Variants in TLK1 observed in about 807,000 individuals in gnomAD.
The protein encoded by TLK1 is serine/threonine-protein kinase tousled-like 1.
Under a neutral mutation model 105.3 loss-of-function variants are expected in TLK1, and 24 were observed. That is an observed-to-expected ratio of 0.23 (90% CI 0.17 to 0.32). TLK1 has a LOEUF of 0.32. Among genes scored for constraint, TLK1 ranks in the 10% least tolerant of loss-of-function variants. The pLI is 1.00. For synonymous variants in TLK1, 321 were observed against 310.4 expected (o/e 1.03, Z -0.36); for missense variants, 558 against 910.5 (o/e 0.61, Z 4.98).
At chr2:171,081,677 GCA>G in intron 3 of TLK1, 1 of 1,304,248 alleles carries the variant, frequency 7.7e-7, no homozygotes, top group South Asian at 1.2e-5. Context: ...CCCGTCACTT[GCA>G]CAGTCCTTTC....
intron 1 of TLK1, among the ~76,000 whole-genome samples, chr2:171,124,904 T>A (rs1362173337): frequency 1.3e-5 from 2 of 152,210 alleles, no homozygotes; most frequent in Admixed American, 6.5e-5. Context: ...CTGAATTGTA[T>A]CAATAACATC....
At chr2:171,166,148 C>G (rs1692605360) in intron 1 of TLK1, among the ~76,000 whole-genome samples, 1 of 152,226 alleles carries the variant, frequency 6.6e-6, no homozygotes, top group South Asian at 2.1e-4. Context: ...CCCATCAGAG[C>G]CAATTATTAA....
chr2:171,123,057 T>TACACACACACACACACAC (rs71008752), intron 1 of TLK1, among the ~76,000 whole-genome samples: 31 of 141,330 alleles, frequency 2.2e-4, no homozygotes, highest in African/African-American at 5.4e-4. Context: ...AATAAATAAA[T>TACACACACACACACACAC]ACACACACAC....
chr2:171,111,998 C>G (rs982413535), intron 2 of TLK1, among the ~76,000 whole-genome samples: 1 of 152,204 alleles, frequency 6.6e-6, no homozygotes, highest in Non-Finnish European at 1.5e-5. Flanking sequence ...GTGGCCCAGG[C>G]TGGAGTGCAG....
At chr2:171,041,218 TA>T (rs2105414380) in intron 11 of TLK1, among the ~76,000 whole-genome samples, 1 of 152,302 alleles carries the variant, frequency 6.6e-6, no homozygotes, top group South Asian at 2.1e-4. Flanking sequence ...TGCTAATAGT[TA>T]AAAATAAATT....
rs1329548895 is a variant in TLK1 at position 171,028,310 on chromosome 2, A to G, written c.1236+29T>C. 2.6e-6 allele frequency: 4 copies of G among 1,519,690 alleles called. No homozygotes were observed. In the African/African-American group the frequency reaches 5.5e-5, roughly 21 times the overall value. The allele number at this position is 1,519,690 out of a possible 1,614,324, so 94.1% of individuals were successfully genotyped here. ...CCCACAAATTCTGGTAGCAAATTGA[A>G]CTAAAAATGCAGCATATGTTTCACA... On this transcript the variant is annotated intron_variant, in intron 12 of 20. Transcript: ENST00000431350.
Position 170,990,931 on chromosome 2 carries a change from T to C in TLK1, c.*2849A>G, listed in dbSNP as rs1324888776. 6.6e-6 allele frequency: 1 copy of C among 152,050 alleles called. No homozygotes were observed. Among genetic ancestry groups the C allele is most frequent in the African/African-American group, 2.4e-5 (1 of 41,374 alleles). The allele number at this position is 152,050 out of a possible 1,614,324, so 9.4% of individuals were successfully genotyped here. A position where few individuals can be genotyped will look rare whatever the true frequency, so the allele number is the denominator to read the frequency against. ...TCTTCACCATTTTGACTTCATGTAATGAGGTGTTTGTTCACATTTTATATG... is the reference window on the plus strand; with the variant it reads ...TCTTCACCATTTTGACTTCATGTAACGAGGTGTTTGTTCACATTTTATATG... On this transcript the variant is annotated 3_prime_UTR_variant, in exon 21 of 21. Transcript: ENST00000431350.
chr2:171,198,506 T>C lies in TLK1; in HGVS notation c.-6+32639A>G, dbSNP rs532825553. ...GCAAGGAAAAAAATCCAGGAATGAA[T>C]GTGACAAAGTAGAGGATTGGAGTGG... is the stretch of plus-strand genomic sequence containing the variant. On this transcript the variant is annotated intron_variant, in intron 1 of 20. Coordinates refer to the TLK1 transcript ENST00000521943. Among the ~76,000 whole-genome samples, 14 of 152,268 alleles carry C rather than the reference T, an allele frequency of 9.2e-5. No homozygotes were observed. In the South Asian group the frequency reaches 1.7e-3, roughly 18 times the overall value.
chr2:171,075,734 C>T (rs746741475), intron 3 of TLK1, among the ~76,000 whole-genome samples: 2 of 151,966 alleles, frequency 1.3e-5, no homozygotes, highest in African/African-American at 2.4e-5. Context: ...GCATCCAAAA[C>T]GAGAAGAGGA....
chr2:171,113,268 T>C (rs1001024709), intron 2 of TLK1, among the ~76,000 whole-genome samples: 3 of 151,218 alleles, frequency 2.0e-5, no homozygotes, highest in African/African-American at 7.3e-5. Flanking sequence ...ACCACATACA[T>C]ATCCTTTTTT....
intron 11 of TLK1, among the ~76,000 whole-genome samples, chr2:171,029,533 T>G (rs1193627184): frequency 6.6e-6 from 1 of 152,146 alleles, no homozygotes; most frequent in East Asian, 1.9e-4. Context: ...CTTGCTTTAG[T>G]GTCCAGGTTG....
At chr2:171,184,323 C>T (rs1431453888) in intron 1 of TLK1, among the ~76,000 whole-genome samples, 2 of 152,130 alleles carry the variant, frequency 1.3e-5, no homozygotes, top group Non-Finnish European at 2.9e-5. Context: ...ATTGTTTAAG[C>T]CATCAAGTTT....
intron 1 of TLK1, among the ~76,000 whole-genome samples, chr2:171,147,648 T>A (rs1691843387): frequency 1.3e-5 from 2 of 152,224 alleles, no homozygotes; most frequent in Non-Finnish European, 1.5e-5. Context: ...ACTATCTGAA[T>A]AAATGTTCCT....
intron 1 of TLK1, among the ~76,000 whole-genome samples, chr2:171,131,030 C>T (rs1487241853): frequency 6.6e-6 from 1 of 151,954 alleles, no homozygotes. Context: ...TTAACGGACA[C>T]ACCAACCTGT....
At chr2:171,152,314 T>C (rs764804156) in intron 1 of TLK1, among the ~76,000 whole-genome samples, 3 of 152,212 alleles carry the variant, frequency 2.0e-5, no homozygotes, top group African/African-American at 4.8e-5. Context: ...ACAGGTTAAA[T>C]TGCCTTCTTG....
At chr2:171,130,836 A>G (rs1360755998) in intron 1 of TLK1, among the ~76,000 whole-genome samples, 1 of 152,062 alleles carries the variant, frequency 6.6e-6, no homozygotes, top group Admixed American at 6.6e-5. Context: ...TTTAACCATC[A>G]CTTCCAACTC....
chr2:171,146,513 T>G (rs932026156), intron 1 of TLK1, among the ~76,000 whole-genome samples: 9 of 152,084 alleles, frequency 5.9e-5, no homozygotes, highest in African/African-American at 1.9e-4. Flanking sequence ...TTCAAATATA[T>G]AAAAGAAAAA....
chr2:171,148,296 A>G (rs1691875027), intron 1 of TLK1, among the ~76,000 whole-genome samples: 1 of 152,004 alleles, frequency 6.6e-6, no homozygotes, highest in South Asian at 2.1e-4. Context: ...CTTTATGTGC[A>G]CTAGGTGCCT....
intron 1 of TLK1, among the ~76,000 whole-genome samples, chr2:171,177,183 C>T (rs1692846032): frequency 6.6e-6 from 1 of 151,638 alleles, no homozygotes; most frequent in Admixed American, 6.6e-5. Flanking sequence ...ACTCTGTCAC[C>T]CAGGCTGGAG....
Sources: allele counts gnomAD v4.1 joint callset (sites outside exome capture counted in the v4.1 genomes callset), GRCh38; gene constraint gnomAD v4.1.1; transcripts MANE v1.5; gene names NCBI Gene and HGNC (gene_info 2026-07-23, HGNC 2026-07-21).